Variants in PLXNA4 observed in about 807,000 individuals in gnomAD.
The protein encoded by PLXNA4 is plexin A4, also known as plexin-A4.
A neutral mutation model predicts 191.8 loss-of-function variants in PLXNA4; 44 were observed. The ratio of observed to expected loss-of-function variants is 0.23; its 90% CI spans 0.18 to 0.29. The LOEUF is 0.29. Among genes scored for constraint, PLXNA4 ranks in the 10% least tolerant of loss-of-function variants. The pLI, the probability that PLXNA4 is intolerant of heterozygous loss-of-function variation, is 1.00. For synonymous variants in PLXNA4, 1,082 were observed against 1,009.5 expected (o/e 1.07, Z -1.36); for missense variants, 1,800 against 2,488.8 (o/e 0.72, Z 5.89).
intron 24 of PLXNA4, among the ~76,000 whole-genome samples, chr7:132,160,691 C>T (rs1795923858): frequency 6.6e-6 from 1 of 152,126 alleles, no homozygotes; most frequent in Non-Finnish European, 1.5e-5. Context: ...TGCCAGAGAG[C>T]CCTCTGTGTG....
At chr7:132,212,392 C>T (rs1377244800) in intron 9 of PLXNA4, among the ~76,000 whole-genome samples, 3 of 152,112 alleles carry the variant, frequency 2.0e-5, no homozygotes, top group Non-Finnish European at 4.4e-5. Flanking sequence ...CAAACATGAG[C>T]CAAATATCTC....
At position 132,311,157 on chromosome 7, in the gene PLXNA4, TG is replaced by T. The variant is rs1584976066; in HGVS notation, c.1372-12936del. 7.2e-5 allele frequency among the ~76,000 whole-genome samples: 3 copies of T among 41,884 alleles called. No individual in the cohort carries two copies. The East Asian group carries it at 2.8e-3, about 39-fold the overall frequency. 27.5% of individuals were successfully genotyped at this position (41,884 alleles called of 152,430 possible). ...CAGTTCCTGGGCTATCTAGGATAAT[TG>T]TGTGTGTGTGTGTGTGTGTGTGTGT... is the stretch of plus-strand genomic sequence containing the variant. On this transcript the variant is annotated intron_variant, in intron 3 of 31. Transcript: ENST00000321063.
intron 3 of PLXNA4, among the ~76,000 whole-genome samples, chr7:132,481,430 C>T (rs1298583900): frequency 6.6e-6 from 1 of 152,054 alleles, no homozygotes; most frequent in African/African-American, 2.4e-5. Context: ...CCAGGACAAC[C>T]TCGGATTAGA....
chr7:132,410,469 C>T (rs1020963586), intron 3 of PLXNA4, among the ~76,000 whole-genome samples: 1 of 152,230 alleles, frequency 6.6e-6, no homozygotes, highest in African/African-American at 2.4e-5. Context: ...GCCTTCCCCC[C>T]TCCACAGGGA....
At chr7:132,377,922 G>A (rs1038267624) in intron 3 of PLXNA4, among the ~76,000 whole-genome samples, 6 of 152,140 alleles carry the variant, frequency 3.9e-5, no homozygotes, top group African/African-American at 1.2e-4. Flanking sequence ...TCTACTGGAG[G>A]CCGCGAGCTG....
intron 3 of PLXNA4, among the ~76,000 whole-genome samples, chr7:132,446,336 C>T (rs959675937): frequency 6.6e-6 from 1 of 152,210 alleles, no homozygotes; most frequent in Non-Finnish European, 1.5e-5. Context: ...GGCACAGGCA[C>T]TGTCACCATC....
chr7:132,229,788 C>A (rs1191372922), intron 5 of PLXNA4, among the ~76,000 whole-genome samples: 1 of 151,872 alleles, frequency 6.6e-6, no homozygotes, highest in Non-Finnish European at 1.5e-5. Context: ...TCTCAGGAAG[C>A]AGACAGGTGT....
intron 3 of PLXNA4, among the ~76,000 whole-genome samples, chr7:132,404,100 A>G (rs1358127629): frequency 6.6e-6 from 1 of 152,120 alleles, no homozygotes; most frequent in Non-Finnish European, 1.5e-5. Flanking sequence ...ACGGGTCCCC[A>G]AGCACCTCCA....
At chr7:132,497,444 G>A (rs750085492) in intron 2 of PLXNA4, among the ~76,000 whole-genome samples, 13 of 152,302 alleles carry the variant, frequency 8.5e-5, no homozygotes, top group Non-Finnish European at 1.0e-4. Flanking sequence ...CAGGGGTAGA[G>A]GTAAGTGGAG....
chr7:132,442,002 CAA>C (rs1795716354), intron 3 of PLXNA4, among the ~76,000 whole-genome samples: 1 of 152,160 alleles, frequency 6.6e-6, no homozygotes, highest in African/African-American at 2.4e-5. Context: ...CTCCTGACCT[CAA>C]ATCACCAGTT....
At chr7:132,310,989 G>A (rs77146700) in intron 3 of PLXNA4, among the ~76,000 whole-genome samples, 5,506 of 152,302 alleles carry the variant, frequency 0.036, 110 homozygotes, top group African/African-American at 0.047. Context: ...TGGGAAGCAC[G>A]CTGGTCAGAG....
In PLXNA4 at chr7:132,633,017, C is replaced by T. The variant is rs112963111; in HGVS notation, c.-87+12911G>A. On this transcript the variant is annotated intron_variant, in intron 2 of 4. Transcript: ENST00000378539. The stretch of plus-strand genomic sequence containing the variant: ...TCAACCCTGGGAACATCACAAGGAG[C>T]GAAAACCTGTGTCTGCTCCTATCCA... Among the ~76,000 whole-genome samples the T allele has an allele frequency of 2.5e-3, 381 of 152,188 alleles. 1 individual carries two copies. Among genetic ancestry groups the T allele is most frequent in the African/African-American group, 8.6e-3 (358 of 41,528 alleles).
At chr7:132,248,799 A>C (rs1339736263) in intron 4 of PLXNA4, among the ~76,000 whole-genome samples, 2 of 152,210 alleles carry the variant, frequency 1.3e-5, no homozygotes, top group Non-Finnish European at 2.9e-5. Flanking sequence ...CCAGAAGCAA[A>C]GATGTGCTTC....
At chr7:132,359,533 C>T (rs1349360961) in intron 3 of PLXNA4, among the ~76,000 whole-genome samples, 1 of 151,998 alleles carries the variant, frequency 6.6e-6, no homozygotes, top group African/African-American at 2.4e-5. Context: ...GCTCCTAATA[C>T]CTGTTCTGTT....
chr7:132,292,679 A>G (rs1197370876), intron 4 of PLXNA4, among the ~76,000 whole-genome samples: 1 of 152,206 alleles, frequency 6.6e-6, no homozygotes, highest in African/African-American at 2.4e-5. Context: ...TACCTGCTAG[A>G]CACAAGAGAG....
intron 3 of PLXNA4, among the ~76,000 whole-genome samples, chr7:132,424,489 G>C (rs1011324639): frequency 3.3e-5 from 5 of 152,122 alleles, no homozygotes; most frequent in African/African-American, 9.7e-5. Flanking sequence ...AAATCTTGGT[G>C]GAACCCCCAC....
intron 4 of PLXNA4, among the ~76,000 whole-genome samples, chr7:132,246,768 AATCATCATCATC>A (rs34617807): frequency 0.15 from 22,805 of 149,942 alleles, 1,824 homozygotes; most frequent in Middle Eastern, 0.18. Flanking sequence ...TTGTACATGC[AATCATCATCATC>A]ATCATCATCA....
At chr7:132,226,563 T>G (rs1377976641) in intron 7 of PLXNA4, among the ~76,000 whole-genome samples, 1 of 152,230 alleles carries the variant, frequency 6.6e-6, no homozygotes, top group Non-Finnish European at 1.5e-5. Flanking sequence ...CTCACAAAAT[T>G]GATTCATAAC....
chr7:132,318,765 T>C (rs916707997), intron 3 of PLXNA4, among the ~76,000 whole-genome samples: 1 of 146,568 alleles, frequency 6.8e-6, no homozygotes, highest in African/African-American at 2.5e-5. Flanking sequence ...ACAGGCAAAA[T>C]CACAGATGCT....
Sources: gnomAD v4.1 joint callset for allele counts (sites outside exome capture counted in the v4.1 genomes callset) on GRCh38, gnomAD v4.1.1 for gene constraint, MANE v1.5 for transcripts, NCBI Gene and HGNC (gene_info 2026-07-23, HGNC 2026-07-21) for gene names.